SLC35F3: variants seen among roughly 807,000 people sequenced by gnomAD.
The protein encoded by SLC35F3 is putative thiamine transporter SLC35F3.
A neutral mutation model predicts 49.9 loss-of-function variants in SLC35F3; 25 were observed. That is an observed-to-expected ratio of 0.50 (90% CI 0.37 to 0.70). SLC35F3 has a LOEUF of 0.70. Among genes scored for constraint, SLC35F3 ranks in the 30% least tolerant of loss-of-function variants. SLC35F3 has a pLI of 0.00. For synonymous variants in SLC35F3, 275 were observed against 265.4 expected, an observed-to-expected ratio of 1.04 and a Z score of -0.35; for missense variants, 525 against 639.8, an observed-to-expected ratio of 0.82 and a Z score of 1.94.
At chr1:234,276,852 GT>G (rs1343098213) in intron 3 of SLC35F3, among the ~76,000 whole-genome samples, 1 of 152,204 alleles carries the variant, frequency 6.6e-6, no homozygotes, top group Non-Finnish European at 1.5e-5. Context: ...TTATTTGGAT[GT>G]TAATGGAATC....
chr1:234,117,164 C>T (rs1665499521), intron 2 of SLC35F3, among the ~76,000 whole-genome samples: 3 of 152,134 alleles, frequency 2.0e-5, no homozygotes, highest in Non-Finnish European at 2.9e-5. Context: ...CTTCAAAAAG[C>T]GAGGACTAAG....
rs1662720318 is a variant in SLC35F3, at chr1:233,957,270, C to A, written c.283+51512C>A. On this transcript the variant is annotated intron_variant, in intron 2 of 7. Coordinates refer to ENST00000366618, the MANE Select transcript of SLC35F3 (RefSeq NM_173508.4). This position sits in a 1 kb window ranked among gnomAD's most constrained non-coding sequence, Gnocchi z 4.0. ...GACTGAAATGTACTACTTAAGGAGG[C>A]TGAATATAAAGGAATCTGAACCATA... 6.6e-6 allele frequency among the ~76,000 whole-genome samples: 1 copy of A among 152,082 alleles called. No individual in the cohort carries two copies. Among genetic ancestry groups the A allele is most frequent in the Non-Finnish European group, 1.5e-5 (1 of 68,018 alleles).
intron 2 of SLC35F3, among the ~76,000 whole-genome samples, chr1:234,159,316 C>T (rs921566048): frequency 5.3e-5 from 8 of 152,176 alleles, no homozygotes; most frequent in Non-Finnish European, 8.8e-5. Context: ...CGGTGGTTCA[C>T]GCCTGTATCC....
intron 2 of SLC35F3, 144 bp downstream of exon 2, chr1:233,905,902 G>A (rs1356802543): frequency 1.4e-6 from 1 of 733,110 alleles, no homozygotes; most frequent in Non-Finnish European, 2.2e-6. Flanking sequence ...TTGCAACTTC[G>A]AGGAAGAGGC....
intron 2 of SLC35F3, among the ~76,000 whole-genome samples, chr1:234,185,415 T>A (rs1048863826): frequency 6.6e-6 from 1 of 152,260 alleles, no homozygotes; most frequent in Non-Finnish European, 1.5e-5. Flanking sequence ...AAAGTGAATG[T>A]TCTAGGAGAC....
At chr1:233,995,923 A>C (rs544026863) in intron 2 of SLC35F3, among the ~76,000 whole-genome samples, 2 of 152,288 alleles carry the variant, frequency 1.3e-5, no homozygotes, top group African/African-American at 2.4e-5. Flanking sequence ...CTCCTTTAGG[A>C]TTAGCATAGC....
At chr1:234,157,132 T>G (rs77250349) in intron 2 of SLC35F3, among the ~76,000 whole-genome samples, 1,810 of 152,320 alleles carry the variant, frequency 0.012, 17 homozygotes, top group Non-Finnish European at 0.02. Context: ...TATATCTCAA[T>G]AAAACTGTAA....
At chr1:234,203,580 A>G (rs952532886) in intron 2 of SLC35F3, among the ~76,000 whole-genome samples, 3 of 152,154 alleles carry the variant, frequency 2.0e-5, no homozygotes, top group African/African-American at 7.2e-5. Context: ...ATGTGCTGGC[A>G]TGTGCCTGTA....
intron 2 of SLC35F3, among the ~76,000 whole-genome samples, chr1:234,161,877 G>T (rs1273682867): frequency 1.3e-5 from 2 of 152,090 alleles, no homozygotes. Flanking sequence ...CACCCTTTCT[G>T]GATCTCCCGC....
chr1:233,936,623 C>T (rs1171272094), intron 2 of SLC35F3, among the ~76,000 whole-genome samples: 1 of 151,698 alleles, frequency 6.6e-6, no homozygotes, highest in African/African-American at 2.4e-5. Context: ...CCTCCTCCTC[C>T]TCATTCTTCT....
chr1:234,295,474 C>T (rs1668576940), intron 3 of SLC35F3, among the ~76,000 whole-genome samples: 1 of 152,144 alleles, frequency 6.6e-6, no homozygotes, highest in Non-Finnish European at 1.5e-5. Context: ...TCTCAAGTGT[C>T]AGTCTCTCGA....
chr1:234,292,781 A>G (rs687457), intron 3 of SLC35F3, among the ~76,000 whole-genome samples: 55,003 of 152,088 alleles, frequency 0.36, 10,388 homozygotes, highest in African/African-American at 0.47. Context: ...TGCAGGCGGG[A>G]CCTGTCCTCC....
chr1:233,938,435 G>A (rs890351477), intron 2 of SLC35F3, among the ~76,000 whole-genome samples: 2 of 152,142 alleles, frequency 1.3e-5, no homozygotes, highest in Non-Finnish European at 1.5e-5. Flanking sequence ...GCAGTGAGAG[G>A]CAACCTAAGA....
intron 2 of SLC35F3, among the ~76,000 whole-genome samples, chr1:233,919,293 A>G (rs12139792): frequency 0.4 from 60,946 of 151,992 alleles, 12,577 homozygotes; most frequent in Middle Eastern, 0.5. Context: ...GCTGGCTTCA[A>G]CCACACTTAG....
chr1:234,313,125 C>T (rs1657400871), intron 4 of SLC35F3, among the ~76,000 whole-genome samples: 1 of 152,190 alleles, frequency 6.6e-6, no homozygotes, highest in African/African-American at 2.4e-5. Flanking sequence ...AATCTGCCCG[C>T]CTCAGCCTCC....
At chr1:233,918,440 C>T (rs958799058) in intron 2 of SLC35F3, among the ~76,000 whole-genome samples, 36 of 152,272 alleles carry the variant, frequency 2.4e-4, no homozygotes, top group Admixed American at 1.6e-3. Context: ...TTGGGGGAAA[C>T]ATAGCTATAA....
intron 2 of SLC35F3, among the ~76,000 whole-genome samples, chr1:234,033,641 C>T (rs538999459): frequency 6.6e-6 from 1 of 152,158 alleles, no homozygotes; most frequent in Non-Finnish European, 1.5e-5. Flanking sequence ...TTTTTGTTCG[C>T]TTTGTCGAAG....
chr1:234,216,436 G>T (rs922828863), intron 2 of SLC35F3, among the ~76,000 whole-genome samples: 1 of 152,208 alleles, frequency 6.6e-6, no homozygotes, highest in Non-Finnish European at 1.5e-5. Context: ...TGAGTGGCAT[G>T]CGAGGCACAG....
At chr1:234,038,421 C>T (rs1664175465) in intron 2 of SLC35F3, among the ~76,000 whole-genome samples, 1 of 151,636 alleles carries the variant, frequency 6.6e-6, no homozygotes, top group Admixed American at 6.6e-5. Flanking sequence ...CCACAATAAA[C>T]ATACATATGC....
Sources: gnomAD v4.1 joint callset for allele counts (sites outside exome capture counted in the v4.1 genomes callset) on GRCh38, gnomAD v4.1.1 for gene constraint, Gnocchi (gnomAD v3.1) non-coding constraint, MANE v1.5 for transcripts, NCBI Gene and HGNC (gene_info 2026-07-23, HGNC 2026-07-21) for gene names.